TRERF1: variants seen among roughly 807,000 people sequenced by gnomAD.
TRERF1 encodes transcriptional regulating factor 1, also known as transcriptional-regulating factor 1.
Under a neutral mutation model 122.9 loss-of-function variants are expected in TRERF1, and 27 were observed. The observed-to-expected ratio is 0.22, with a 90% confidence interval of 0.16 to 0.30. TRERF1 has a LOEUF of 0.30. Ranked by LOEUF, TRERF1 falls within the 10% of genes least tolerant of loss-of-function variation. TRERF1 has a pLI of 1.00. For synonymous variants in TRERF1, 636 were observed against 641.7 expected (o/e 0.99, Z 0.13); for missense variants, 1,248 against 1,560.3 (o/e 0.80, Z 3.37).
rs758764454 is a variant in TRERF1, at chr6:42,269,162, C to T, written c.429G>A (p.Leu143=). The change falls in exon 5 of 18, where the codon CTG becomes CTA. Residue 143 remains leucine, a synonymous_variant. Transcript: ENST00000372922. The surrounding 1 kb of genome is among the most constrained non-coding windows in gnomAD (Gnocchi z 4.9). ...TGGCAAACACCTGGGTGAAAGAGTC[C>T]AGCTTGTGTAAGACACCGCTGGTAA... 4.3e-6 allele frequency: 7 copies of T among 1,614,082 alleles called. No homozygotes were observed. The highest frequency in any genetic ancestry group is 1.3e-5 in the African/African-American group (1 of 74,912).
intron 2 of TRERF1, among the ~76,000 whole-genome samples, chr6:42,422,387 G>C (rs979743305): frequency 6.6e-6 from 1 of 151,072 alleles, no homozygotes; most frequent in African/African-American, 2.4e-5. Context: ...GTATGGTGGC[G>C]TATGCCTGTA....
chr6:42,449,704 C>G (rs566731408), intron 2 of TRERF1, among the ~76,000 whole-genome samples: 1 of 152,268 alleles, frequency 6.6e-6, no homozygotes, highest in Admixed American at 6.5e-5. Context: ...TAACTAATGC[C>G]TAGTTAGGAA....
intron 3 of TRERF1, among the ~76,000 whole-genome samples, chr6:42,342,017 TAAAC>T (rs1335901993): frequency 6.6e-6 from 1 of 152,224 alleles, no homozygotes; most frequent in East Asian, 1.9e-4. Context: ...TTTACTTAAT[TAAAC>T]AAATTAATTA....
chr6:42,347,209 T>C (rs1768466357), intron 3 of TRERF1, among the ~76,000 whole-genome samples: 1 of 152,134 alleles, frequency 6.6e-6, no homozygotes, highest in Non-Finnish European at 1.5e-5. Flanking sequence ...TCATTCTCCA[T>C]CTCCCTCTTC....
chr6:42,273,836 T>C (rs1780681513), intron 4 of TRERF1, among the ~76,000 whole-genome samples: 1 of 152,222 alleles, frequency 6.6e-6, no homozygotes, highest in Non-Finnish European at 1.5e-5. Flanking sequence ...AAGAATTACT[T>C]GTTGAAACTC....
rs1779885153 is a variant in TRERF1 at position 42,269,759 on chromosome 6, C to T, written c.-169G>A. 1 of 1,441,902 alleles carries T rather than the reference C, an allele frequency of 6.9e-7. No homozygotes were observed. Among genetic ancestry groups the T allele is most frequent in the Non-Finnish European group, 9.1e-7 (1 of 1,104,198 alleles). The allele number at this position is 1,441,902 out of a possible 1,614,324, so 89.3% of individuals were successfully genotyped here. ...AGCCAGGTGTTCCTGTTGGCCTGTACCACTCATGTGCAGGGCGGGGGGTTT... is the reference window on the plus strand; with the variant it reads ...AGCCAGGTGTTCCTGTTGGCCTGTATCACTCATGTGCAGGGCGGGGGGTTT... On this transcript the variant is annotated 5_prime_UTR_variant, in exon 5 of 18. Coordinates refer to ENST00000372922, the Ensembl canonical transcript of TRERF1. The surrounding 1 kb of genome is among the most constrained non-coding windows in gnomAD (Gnocchi z 4.9).
chr6:42,422,305 A>G (rs1293255616), intron 2 of TRERF1, among the ~76,000 whole-genome samples: 2 of 152,096 alleles, frequency 1.3e-5, no homozygotes, highest in Non-Finnish European at 2.9e-5. Flanking sequence ...AGATTGCTTG[A>G]GCTCAGGAGT....
At chr6:42,414,538 C>T (rs1295202252) in intron 2 of TRERF1, among the ~76,000 whole-genome samples, 2 of 152,308 alleles carry the variant, frequency 1.3e-5, no homozygotes, top group South Asian at 2.1e-4. Context: ...TCTAGTCTTA[C>T]GACTAGTTAC....
chr6:42,305,995 C>CTTTTTTTTTT lies in TRERF1; in HGVS notation c.-370-5256_-370-5247dup, dbSNP rs55700516. On this transcript the variant is annotated intron_variant, in intron 3 of 17. Coordinates refer to ENST00000372922, the Ensembl canonical transcript of TRERF1. Reference sequence around the variant, plus strand: ...CCCATTCTCTCTCCAAATATCTCTCCTTTTTTTTTTTTTTTTTTTTTTTTG... The same window carrying CTTTTTTTTTT: ...CCCATTCTCTCTCCAAATATCTCTCCTTTTTTTTTTTTTTTTTTTTTTTTTTTTTTTTTTG... 3.3e-4 allele frequency among the ~76,000 whole-genome samples: 23 copies of CTTTTTTTTTT among 69,494 alleles called. 1 individual carries two copies. Among genetic ancestry groups the CTTTTTTTTTT allele is most frequent in the South Asian group, 1.3e-3 (2 of 1,502 alleles). 45.6% of individuals were successfully genotyped at this position (69,494 alleles called of 152,430 possible).
chr6:42,287,272 C>T (rs1783423517), intron 4 of TRERF1, among the ~76,000 whole-genome samples: 1 of 148,428 alleles, frequency 6.7e-6, no homozygotes, highest in South Asian at 2.1e-4. Context: ...TGCACATGTA[C>T]CCTAAAACTT....
intron 4 of TRERF1, among the ~76,000 whole-genome samples, chr6:42,291,425 G>A (rs1469161095): frequency 6.8e-6 from 1 of 147,568 alleles, no homozygotes; most frequent in Non-Finnish European, 1.5e-5. Context: ...TTGGAAGTGT[G>A]AAAAAGAAGC....
intron 4 of TRERF1, among the ~76,000 whole-genome samples, chr6:42,273,830 A>C (rs1780678695): frequency 6.6e-6 from 1 of 152,198 alleles, no homozygotes; most frequent in Non-Finnish European, 1.5e-5. Context: ...CTCAGGAAGA[A>C]TTACTTGTTG....
chr6:42,337,162 C>A (rs1766355635), intron 3 of TRERF1, among the ~76,000 whole-genome samples: 1 of 152,132 alleles, frequency 6.6e-6, no homozygotes, highest in Non-Finnish European at 1.5e-5. Context: ...GGACGCTGCC[C>A]AAGACCCAGC....
At chr6:42,341,598 G>A (rs1235651745) in intron 3 of TRERF1, among the ~76,000 whole-genome samples, 1 of 152,178 alleles carries the variant, frequency 6.6e-6, no homozygotes, top group East Asian at 1.9e-4. Flanking sequence ...CTTTTTCTGG[G>A]AGACTTGGCC....
intron 9 of TRERF1, among the ~76,000 whole-genome samples, chr6:42,258,734 C>T (rs780481807): frequency 7.9e-5 from 12 of 151,956 alleles, no homozygotes; most frequent in African/African-American, 2.7e-4. Context: ...GCTACCACAT[C>T]CCGTTATTTT....
intron 2 of TRERF1, among the ~76,000 whole-genome samples, chr6:42,397,485 G>A (rs1778799325): frequency 6.6e-6 from 1 of 152,124 alleles, no homozygotes; most frequent in Non-Finnish European, 1.5e-5. Flanking sequence ...GCTTTCACCT[G>A]CCTGACAAAA....
chr6:42,337,148 C>G (rs1324939192), intron 3 of TRERF1, among the ~76,000 whole-genome samples: 1 of 152,156 alleles, frequency 6.6e-6, no homozygotes, highest in African/African-American at 2.4e-5. Context: ...GTTGGACATA[C>G]CCTGGACGCT....
chr6:42,417,579 G>T (rs971731179), intron 2 of TRERF1, among the ~76,000 whole-genome samples: 5 of 152,152 alleles, frequency 3.3e-5, no homozygotes, highest in Admixed American at 6.5e-5. Context: ...GTATAAAGAG[G>T]AGGAACGACT....
chr6:42,430,724 C>A (rs560609516), intron 2 of TRERF1, among the ~76,000 whole-genome samples: 7 of 152,244 alleles, frequency 4.6e-5, no homozygotes, highest in African/African-American at 1.7e-4. Flanking sequence ...TGGTGAAACC[C>A]CGTCTCTACT....
Sources: gnomAD v4.1 joint callset for allele counts (sites outside exome capture counted in the v4.1 genomes callset) on GRCh38, gnomAD v4.1.1 for gene constraint, Gnocchi (gnomAD v3.1) non-coding constraint, MANE v1.5 for transcripts, NCBI Gene and HGNC (gene_info 2026-07-23, HGNC 2026-07-21) for gene names.